TPP1: variants seen among roughly 807,000 people sequenced by gnomAD.
TPP1 encodes the protein tripeptidyl-peptidase 1.
In TPP1, 43 loss-of-function variants were observed where a neutral mutation model predicts 67.6. The ratio of observed to expected loss-of-function variants is 0.64; its 90% CI spans 0.50 to 0.82. The LOEUF (loss-of-function observed/expected upper bound fraction) is 0.82, where lower values mean the gene tolerates loss of function less well. Among genes scored for constraint, TPP1 ranks in the 40% least tolerant of loss-of-function variants. The probability of loss-of-function intolerance (pLI) is 0.00; values close to 1 mark genes in which losing one functional copy is unlikely to be tolerated. For synonymous variants in TPP1, 272 were observed against 281.5 expected, an observed-to-expected ratio of 0.97 and a Z score of 0.34; for missense variants, 671 against 710.9, an observed-to-expected ratio of 0.94 and a Z score of 0.64.
rs145966505 is a variant in TPP1, at chr11:6,616,332, G to T, written c.1058C>A (p.Thr353Asn). ...ELMKAAARGL[T>N]LLFASGDSGA... ...GAGGTCACCTGAGGCGAAGAGCAGG[G>T]TGAGACCCCGAGCGGCAGCCTTCAT... The change falls in exon 8 of 13, where the codon ACC (threonine) becomes AAC (asparagine). Residue 353 changes from threonine to asparagine, a missense_variant. By Grantham distance (65) the Thr-to-Asn change is moderately conservative. Transcript: ENST00000299427. 1.1e-5 allele frequency: 17 copies of T among 1,613,188 alleles called. No homozygotes were observed. The African/African-American group carries it at 2.1e-4, about 20-fold the overall frequency.
chr11:6,617,254 C>A (rs777900703), intron 5 of TPP1, 47 bp downstream of exon 5: 1 of 1,613,952 alleles, frequency 6.2e-7, no homozygotes. Flanking sequence ...ACTTCCTCAG[C>A]CCCTGGATCT....
intron 6 of TPP1, 28 bp downstream of exon 6, chr11:6,616,947 G>A (rs771731475): frequency 4.6e-5 from 74 of 1,614,008 alleles, no homozygotes; most frequent in Non-Finnish European, 6.2e-5. Context: ...GAGGCTATGA[G>A]GACCCTGGGG....
At position 6,617,633 on chromosome 11, in the gene TPP1, T is replaced by C; in HGVS notation, c.373A>G (p.Ser125Gly). Residue 125 changes from serine (S) to glycine (G), a missense_variant, in exon 4 of 13, where the codon AGC becomes GGC. Coordinates refer to ENST00000299427, the MANE Select transcript of TPP1 (RefSeq NM_000391.4). Reference protein sequence around the residue: ...ITQDFLTCWLSIRQAELLLPG... With the variant: ...ITQDFLTCWLGIRQAELLLPG... ...GCAATCATTTCCTCTCACCGGATGC[T>C]CAGCCAGCAAGTCAGAAAGTCCTGT... 2 of 1,614,132 alleles carry C rather than the reference T, an allele frequency of 1.2e-6. No homozygotes were observed. The highest frequency in any genetic ancestry group is 1.7e-6 in the Non-Finnish European group (2 of 1,180,030).
At chr11:6,616,606 G>C in intron 7 of TPP1, 55 bp downstream of exon 7, 1 of 1,612,574 alleles carries the variant, frequency 6.2e-7, no homozygotes, top group Non-Finnish European at 8.5e-7. Context: ...GAGGGAGCAG[G>C]GATCAACACC....
Position 6,617,730 on chromosome 11 carries a change from G to A in TPP1, c.276C>T (p.Ser92=), listed in dbSNP as rs1344424036. The A allele has an allele frequency of 1.9e-6, 3 of 1,614,206 alleles. No homozygotes were observed. Among genetic ancestry groups the A allele is most frequent in the African/African-American group, 1.3e-5 (1 of 75,052 alleles). The change falls in exon 4 of 13, where the codon TCC becomes TCT. Residue 92 remains serine, a synonymous_variant. Transcript: ENST00000299427. ...TTTGCACCGTGTGGAGGGTCAGTGG[G>A]GATGGCCTCACCAGATCAGCCACAT... ...LENVADLVRP[S]PLTLHTVQKW...
At position 6,615,538 on chromosome 11, in the gene TPP1, G is replaced by A. The variant is rs1379645801; in HGVS notation, c.1170C>T (p.Gly390=). 2 of 1,614,062 alleles carry A rather than the reference G, an allele frequency of 1.2e-6. No individual in the cohort carries two copies. The highest frequency in any genetic ancestry group is 1.7e-6 in the Non-Finnish European group (2 of 1,180,048). The change falls in exon 10 of 13, where the codon GGC becomes GGT. Residue 390 remains glycine, a synonymous_variant. Transcript: ENST00000299427. Reference sequence around the variant, plus strand: ...TGAGGAAAGGTTCCTGGAAGGATGTGCCTCCCACTGTGGTGACATAGGGGC... The same window carrying A: ...TGAGGAAAGGTTCCTGGAAGGATGTACCTCCCACTGTGGTGACATAGGGGC... ...ASSPYVTTVG[G]TSFQEPFLIT...
chr11:6,616,684 G>C lies in TPP1; in HGVS notation c.863C>G (p.Ser288Cys). 1 of 1,614,066 alleles carries C rather than the reference G, an allele frequency of 6.2e-7. No homozygotes were observed. Among genetic ancestry groups the C allele is most frequent in the East Asian group, 2.2e-5 (1 of 44,880 alleles). The change falls in exon 7 of 13, where the codon TCC (serine) becomes TGC (cysteine). Residue 288 changes from serine to cysteine, a missense_variant. Coordinates refer to ENST00000299427, the MANE Select transcript of TPP1 (RefSeq NM_000391.4). ...ACCAGGGCTACTGTAGACCCAGGTG[G>C]AGATGTTGGCACCAGCACTCATCAG... ...QYLMSAGANI[S>C]TWVYSSPGRH...
intron 9 of TPP1, 183 bp from the exon 10 acceptor site, chr11:6,615,745 T>A (rs1855571781): frequency 1.2e-6 from 1 of 839,328 alleles, no homozygotes; most frequent in African/African-American, 1.7e-5. Context: ...TGTGCACACT[T>A]TTCTCTACAG....
Position 6,616,701 on chromosome 11 carries a change from A to T in TPP1, c.846T>A (p.Ser282Arg). Residue 282 changes from serine (S) to arginine (R), a missense_variant, in exon 7 of 13, where the codon AGT (serine) becomes AGA (arginine). Physicochemically the swap from Ser to Arg is moderately radical, Grantham distance 110. Coordinates refer to ENST00000299427, the MANE Select transcript of TPP1 (RefSeq NM_000391.4). The part of the protein sequence containing the change: ...EASLDVQYLM[S>R]AGANISTWVY... ...CCCAGGTGGAGATGTTGGCACCAGC[A>T]CTCATCAGGTACTGCACATCTAGAC... 6.2e-7 allele frequency: 1 copy of T among 1,613,916 alleles called. No individual in the cohort carries two copies. The highest frequency in any genetic ancestry group is 8.5e-7 in the Non-Finnish European group (1 of 1,179,966).
chr11:6,619,074 T>A, intron 2 of TPP1, 122 bp downstream of exon 2: 1 of 1,471,432 alleles, frequency 6.8e-7, no homozygotes, highest in Non-Finnish European at 9.4e-7. Context: ...GCTAGGAACA[T>A]AGAGATGAAG....
rs752603109 is a variant in TPP1, at chr11:6,617,305, G to C, written c.504C>G (p.Asp168Glu). Residue 168 changes from aspartate to glutamate, a missense_variant, in exon 5 of 13, where the codon GAC becomes GAG. Coordinates refer to ENST00000299427, the MANE Select transcript of TPP1 (RefSeq NM_000391.4). Reference sequence around the variant, plus strand: ...CATTCACCCCATAGGTGTTACCAAAGTCCACATGGGGGGCCAAGGCCTGTG... The same window carrying C: ...CATTCACCCCATAGGTGTTACCAAACTCCACATGGGGGGCCAAGGCCTGTG... ...QLPQALAPHV[D>E]FVGGLHRFPP... 1 of 1,614,052 alleles carries C rather than the reference G, an allele frequency of 6.2e-7. No homozygotes were observed. The highest frequency in any genetic ancestry group is 8.5e-7 in the Non-Finnish European group (1 of 1,179,996).
rs577520250 is a variant in TPP1, at chr11:6,615,315, C to T, written c.1281G>A (p.Thr427=). 101 of 1,614,194 alleles carry T rather than the reference C, an allele frequency of 6.3e-5. 1 individual carries two copies. The Middle Eastern group carries it at 8.2e-4, about 13-fold the overall frequency. Residue 427 remains threonine (T), a synonymous_variant, in exon 11 of 13, where the codon ACG becomes ACA. Transcript: ENST00000299427. ...GGTGGGGGCTAGAGCTCAGGAACTTCGTTACAGCTTCCTCCTGAAAGGCAT... is the reference window on the plus strand; with the variant it reads ...GGTGGGGGCTAGAGCTCAGGAACTTTGTTACAGCTTCCTCCTGAAAGGCAT... ...PRPSYQEEAV[T]KFLSSSPHLP... is the part of the protein sequence containing the mutation.
Position 6,619,148 on chromosome 11 carries a change from G to C in TPP1, c.89+48C>G, listed in dbSNP as rs369064311. ...GAAGCTAGGACCAGGACAGTGGGAGGCAGAACAGGGTATGGGGAAGGGGGC... is the reference window on the plus strand; with the variant it reads ...GAAGCTAGGACCAGGACAGTGGGAGCCAGAACAGGGTATGGGGAAGGGGGC... On this transcript the variant is annotated intron_variant, in intron 2 of 12. Coordinates refer to ENST00000299427, the MANE Select transcript of TPP1 (RefSeq NM_000391.4). 14 of 1,605,562 alleles carry C rather than the reference G, an allele frequency of 8.7e-6. No homozygotes were observed. In the African/African-American group the frequency reaches 1.5e-4, roughly 17 times the overall value.
In TPP1 at chr11:6,616,533, G is replaced by C. The variant is rs756652086; in HGVS notation, c.887-30C>G. The C allele has an allele frequency of 8.9e-6, 14 of 1,569,206 alleles. No homozygotes were observed. In the East Asian group the frequency reaches 2.5e-4, roughly 28 times the overall value. On this transcript the variant is annotated intron_variant, in intron 7 of 12. Transcript: ENST00000299427. Reference sequence around the variant, plus strand: ...ATTTTTTTTTTTTTTTTTTTTGAGGGATGGGCACAAAGATAGTCACTGGGG... The same window carrying C: ...ATTTTTTTTTTTTTTTTTTTTGAGGCATGGGCACAAAGATAGTCACTGGGG...
chr11:6,619,157 G>C (rs569259153), intron 2 of TPP1, 39 bp downstream of exon 2: 1 of 1,611,188 alleles, frequency 6.2e-7, no homozygotes, highest in Non-Finnish European at 8.5e-7. Context: ...GGCAGAACAG[G>C]GTATGGGGAA....
rs1855592622 is a variant in TPP1 at position 6,616,785 on chromosome 11, C to A, written c.762G>T (p.Gln254His). Residue 254 changes from glutamine to histidine, a missense_variant, in exon 7 of 13, where the codon CAG becomes CAT. By Grantham distance (24) the Gln-to-His change is conservative (BLOSUM62 0). Transcript: ENST00000299427. Reference protein sequence around the residue: ...MRLFGGNFAHQASVARVVGQQ... With the variant: ...MRLFGGNFAHHASVARVVGQQ... ...GTCCAACCACACGGGCTACTGATGC[C>A]TGATGTGCAAAGTTGCCACCGAAGA... The A allele has an allele frequency of 3.1e-6, 5 of 1,613,878 alleles. No individual in the cohort carries two copies. The highest frequency in any genetic ancestry group is 4.2e-6 in the Non-Finnish European group (5 of 1,180,024).
In TPP1 at chr11:6,614,545, G is replaced by T; in HGVS notation, c.*1C>A. ...AAGCCATCTCTCCTGATAGGAAAGG[G>T]TCAGGGGTTGAGTAGAGTCTTCAGC... On this transcript the variant is annotated 3_prime_UTR_variant, in exon 13 of 13. Coordinates refer to ENST00000299427, the MANE Select transcript of TPP1 (RefSeq NM_000391.4). 6.2e-7 allele frequency: 1 copy of T among 1,614,150 alleles called. No homozygotes were observed. The highest frequency in any genetic ancestry group is 1.7e-5 in the Admixed American group (1 of 60,028).
Position 6,619,231 on chromosome 11 carries a change from T to A in TPP1, c.54A>T (p.Lys18Asn), listed in dbSNP as rs753509905. 82 of 1,613,980 alleles carry A rather than the reference T, an allele frequency of 5.1e-5. No individual in the cohort carries two copies. Among genetic ancestry groups the A allele is most frequent in the Non-Finnish European group, 6.0e-5 (71 of 1,180,016 alleles). The part of the protein sequence containing the change: ...LGLFALILSG[K>N]CSYSPEPDQR... ...GGTCGGGCTCCGGGCTGTAACTGCA[T>A]TTGCCAGAGAGGATGAGGGCAAAGA... The change falls in exon 2 of 13, where the codon AAA becomes AAT. Residue 18 changes from lysine (K) to asparagine (N), a missense_variant. Physicochemically the swap from Lys to Asn is moderately conservative, Grantham distance 94. Coordinates refer to ENST00000299427, the MANE Select transcript of TPP1 (RefSeq NM_000391.4).
In TPP1 at chr11:6,618,351, A is replaced by C. The variant is rs1855617547; in HGVS notation, c.229+425T>G. Reference sequence around the variant, plus strand: ...TGAAGCAGAGTGGGGGAGTACAGTGAGGGGTGGGGTGGAGGGAGGAGACTG... The same window carrying C: ...TGAAGCAGAGTGGGGGAGTACAGTGCGGGGTGGGGTGGAGGGAGGAGACTG... On this transcript the variant is annotated intron_variant, in intron 3 of 12. Coordinates refer to ENST00000299427, the MANE Select transcript of TPP1 (RefSeq NM_000391.4). 4 of 371,778 alleles carry C rather than the reference A, an allele frequency of 1.1e-5. No individual in the cohort carries two copies. In the East Asian group the frequency reaches 2.5e-4, roughly 24 times the overall value. The allele number at this position is 371,778 out of a possible 1,614,324, so 23.0% of individuals were successfully genotyped here. A position where few individuals can be genotyped will look rare whatever the true frequency, so the allele number is the denominator to read the frequency against.
Sources: allele counts gnomAD v4.1 joint callset, GRCh38; gene constraint gnomAD v4.1.1; transcripts MANE v1.5; gene names NCBI Gene and HGNC (gene_info 2026-07-23, HGNC 2026-07-21).